The following WDR70 variants were observed in gnomAD, a reference collection of about 807,000 sequenced individuals.
The protein encoded by WDR70 is WD repeat-containing protein 70.
In WDR70, 53 loss-of-function variants were observed where a neutral mutation model predicts 88.6. The ratio of observed to expected loss-of-function variants is 0.60; its 90% confidence interval spans 0.48 to 0.75. The LOEUF is 0.75. Ranked by LOEUF, WDR70 falls within the 30% of genes least tolerant of loss-of-function variation. The pLI is 0.00. For synonymous variants in WDR70, 280 were observed against 270.0 expected (o/e 1.04, Z -0.36); for missense variants, 610 against 823.2 (o/e 0.74, Z 3.17).
intron 8 of WDR70, among the ~76,000 whole-genome samples, chr5:37,509,703 A>G (rs1328410800): frequency 6.6e-6 from 1 of 151,554 alleles, no homozygotes; most frequent in African/African-American, 2.4e-5. Context: ...CATGACTCAC[A>G]TTAACATCTT....
intron 7 of WDR70, 66 bp downstream of exon 7, chr5:37,443,438 G>C: frequency 1.3e-6 from 2 of 1,569,026 alleles, no homozygotes; most frequent in South Asian, 2.3e-5. Flanking sequence ...AGACAGTGCT[G>C]TTGGCTTTGG....
At chr5:37,481,345 T>C (rs1419822223) in intron 8 of WDR70, among the ~76,000 whole-genome samples, 2 of 152,140 alleles carry the variant, frequency 1.3e-5, no homozygotes. Context: ...CCCCGCTCCC[T>C]GCAGCAAACT....
At chr5:37,531,262 C>G (rs1431748583) in intron 9 of WDR70, among the ~76,000 whole-genome samples, 3 of 152,034 alleles carry the variant, frequency 2.0e-5, no homozygotes, top group Non-Finnish European at 4.4e-5. Flanking sequence ...AGAATATATT[C>G]TGCAGTTGTT....
intron 5 of WDR70, among the ~76,000 whole-genome samples, chr5:37,410,193 GTTT>G (rs952637754): frequency 8.4e-6 from 1 of 119,454 alleles, no homozygotes; most frequent in African/African-American, 3.1e-5. Context: ...GAGTTTGTTA[GTTT>G]TTTTTTTTTT....
At chr5:37,520,386 A>G (rs993220159) in intron 9 of WDR70, among the ~76,000 whole-genome samples, 1 of 152,088 alleles carries the variant, frequency 6.6e-6, no homozygotes. Flanking sequence ...TACAAGTAAG[A>G]ATGTGACTAA....
chr5:37,748,889 A>G (rs546860650), intron 17 of WDR70, among the ~76,000 whole-genome samples: 84 of 152,362 alleles, frequency 5.5e-4, no homozygotes, highest in African/African-American at 1.9e-3. Context: ...GAGAAATGCA[A>G]ATCAAAACCA....
chr5:37,462,523 C>T (rs867426564), intron 7 of WDR70, among the ~76,000 whole-genome samples: 9 of 152,044 alleles, frequency 5.9e-5, no homozygotes, highest in Middle Eastern at 3.2e-3. Context: ...AGGATGGTCT[C>T]GATCGCCTGA....
At chr5:37,521,946 C>T (rs1181298738) in intron 9 of WDR70, among the ~76,000 whole-genome samples, 2 of 152,190 alleles carry the variant, frequency 1.3e-5, no homozygotes, top group Non-Finnish European at 1.5e-5. Flanking sequence ...AAGTAATCTT[C>T]ATACTTTGGT....
chr5:37,640,930 A>T (rs76591531), intron 10 of WDR70, among the ~76,000 whole-genome samples: 11,170 of 152,300 alleles, frequency 0.073, 443 homozygotes, highest in South Asian at 0.13. Context: ...GTGGAAAAAG[A>T]GAATGTCTGT....
At chr5:37,553,414 G>A (rs1472532659) in intron 9 of WDR70, among the ~76,000 whole-genome samples, 2 of 152,144 alleles carry the variant, frequency 1.3e-5, no homozygotes, top group Non-Finnish European at 2.9e-5. Flanking sequence ...GGCTGATCCT[G>A]TGGTAGTGCG....
chr5:37,559,753 G>T (rs1225619449), intron 9 of WDR70, among the ~76,000 whole-genome samples: 1 of 151,714 alleles, frequency 6.6e-6, no homozygotes, highest in East Asian at 1.9e-4. Flanking sequence ...GCTGAGGAAA[G>T]AGAATCACTT....
At chr5:37,614,041 C>T (rs1445598079) in intron 10 of WDR70, among the ~76,000 whole-genome samples, 1 of 152,216 alleles carries the variant, frequency 6.6e-6, no homozygotes, top group African/African-American at 2.4e-5. Flanking sequence ...GCTGCTGCAA[C>T]AAACTACCAC....
intron 9 of WDR70, among the ~76,000 whole-genome samples, chr5:37,542,507 T>C (rs1741856687): frequency 6.6e-6 from 1 of 152,076 alleles, no homozygotes; most frequent in Admixed American, 6.6e-5. Context: ...GGCCTCTGAC[T>C]CCTGACCTCG....
At chr5:37,433,556 G>A (rs947472334) in intron 5 of WDR70, among the ~76,000 whole-genome samples, 1 of 152,084 alleles carries the variant, frequency 6.6e-6, no homozygotes, top group Admixed American at 6.5e-5. Flanking sequence ...ATATAAAAAT[G>A]GCATAGTGCT....
At chr5:37,538,332 T>G (rs1302186948) in intron 9 of WDR70, among the ~76,000 whole-genome samples, 2 of 152,220 alleles carry the variant, frequency 1.3e-5, no homozygotes, top group Non-Finnish European at 2.9e-5. Context: ...TCTCAACACC[T>G]CTTGTATTAT....
intron 3 of WDR70, among the ~76,000 whole-genome samples, chr5:37,390,153 A>G (rs569404139): frequency 3.9e-5 from 6 of 152,230 alleles, no homozygotes; most frequent in Admixed American, 2.6e-4. Context: ...TGCCCCCACA[A>G]TTGTAGAGTG....
At chr5:37,462,598 G>A (rs1020445298) in intron 7 of WDR70, among the ~76,000 whole-genome samples, 2 of 152,106 alleles carry the variant, frequency 1.3e-5, no homozygotes, top group Admixed American at 6.6e-5. Flanking sequence ...CACCGCACCC[G>A]GCCCAAGTCC....
intron 5 of WDR70, among the ~76,000 whole-genome samples, chr5:37,415,314 G>T (rs1386178916): frequency 7.3e-5 from 11 of 151,124 alleles, no homozygotes; most frequent in Non-Finnish European, 1.5e-4. Flanking sequence ...CCCAGACGGG[G>T]TGGTGGCCGG....
chr5:37,424,164 A>C (rs1156684949), intron 5 of WDR70, among the ~76,000 whole-genome samples: 23 of 150,104 alleles, frequency 1.5e-4, no homozygotes, highest in Non-Finnish European at 3.4e-4. Flanking sequence ...AAAAAAAAAA[A>C]AAAAAAAACA....
Sources: allele counts gnomAD v4.1 joint callset (sites outside exome capture counted in the v4.1 genomes callset), GRCh38; gene constraint gnomAD v4.1.1; transcripts MANE v1.5; gene names NCBI Gene and HGNC (gene_info 2026-07-23, HGNC 2026-07-21).